Variants in NXNL2 observed in about 807,000 individuals in gnomAD.
NXNL2 encodes the protein nucleoredoxin-like protein 2.
NXNL2 carries 7 observed loss-of-function variants against 11.1 expected under a neutral mutation model. That is an observed-to-expected ratio of 0.63 (90% CI 0.36 to 1.18). NXNL2 has a LOEUF of 1.18. Ranked by LOEUF, NXNL2 falls within the 50% of genes most tolerant of loss-of-function variation. The probability of loss-of-function intolerance (pLI) is 0.02; values close to 1 mark genes in which losing one functional copy is unlikely to be tolerated. For synonymous variants in NXNL2, 109 were observed against 101.8 expected (o/e 1.07, Z -0.42); for missense variants, 233 against 217.7 (o/e 1.07, Z -0.44).
intron 1 of NXNL2, among the ~76,000 whole-genome samples, chr9:88,581,384 G>T (rs190213981): frequency 6.3e-4 from 96 of 152,294 alleles, no homozygotes; most frequent in Admixed American, 1.6e-3. Flanking sequence ...ACCACTTTTG[G>T]GGGGAGTTTG....
intron 1 of NXNL2, among the ~76,000 whole-genome samples, chr9:88,564,251 T>C (rs1055532373): frequency 1.5e-5 from 2 of 134,614 alleles, no homozygotes; most frequent in African/African-American, 6.1e-5. Flanking sequence ...TCTATCTATC[T>C]ATCTATCTAT....
At chr9:88,543,656 G>T (rs921215021) in intron 1 of NXNL2, among the ~76,000 whole-genome samples, 2 of 152,142 alleles carry the variant, frequency 1.3e-5, no homozygotes, top group Admixed American at 6.5e-5. Flanking sequence ...TTATTTGTGG[G>T]TTTAGACCTG....
downstream of NXNL2, among the ~76,000 whole-genome samples, chr9:88,579,323 C>T (rs1269764851): frequency 6.6e-6 from 1 of 152,184 alleles, no homozygotes; most frequent in Non-Finnish European, 1.5e-5. Flanking sequence ...GCTTCCTGAC[C>T]TCTTCTAGTT....
Position 88,535,491 on chromosome 9 carries a change from G to A in NXNL2, c.57G>A (p.Glu19=). Residue 19 remains glutamate (E), a synonymous_variant, in exon 1 of 2, where the codon GAG becomes GAA. Transcript: ENST00000375854. ...HLVTCKGATV[E]AEAALQNKVV... ...TGACCTGTAAGGGCGCGACGGTGGA[G>A]GCCGAGGCGGCGCTGCAGAACAAGG... 6.2e-7 allele frequency: 1 copy of A among 1,609,680 alleles called. No individual in the cohort carries two copies.
chr9:88,538,766 A>G (rs1829685774), intron 1 of NXNL2, among the ~76,000 whole-genome samples: 1 of 152,342 alleles, frequency 6.6e-6, no homozygotes, highest in Non-Finnish European at 1.5e-5. Context: ...CCACACAGTA[A>G]GAACAGCTAG....
rs1400834010 is a variant in NXNL2, at chr9:88,544,524, A to G, written c.448A>G (p.Ile150Val). Residue 150 changes from isoleucine to valine, a missense_variant, in exon 2 of 2, where the codon ATC becomes GTC. Transcript: ENST00000375854. ...CCAGGACTGGGTGGAGGCGGCCGAT[A>G]TCTTCCAGAATTTCTCCGTTTGAAG... Reference protein sequence around the residue: ...CFQDWVEAADIFQNFSV With the variant: ...CFQDWVEAADVFQNFSV 9 of 1,542,314 alleles carry G rather than the reference A, an allele frequency of 5.8e-6. No homozygotes were observed. Among genetic ancestry groups the G allele is most frequent in the Admixed American group, 4.0e-5 (2 of 50,386 alleles).
At chr9:88,540,562 C>T (rs1372866778) in intron 1 of NXNL2, among the ~76,000 whole-genome samples, 1 of 152,186 alleles carries the variant, frequency 6.6e-6, no homozygotes, top group East Asian at 1.9e-4. Context: ...GTGTTTGAGA[C>T]ATGACTTTCT....
chr9:88,577,532 G>A (rs1379882660), downstream of NXNL2, among the ~76,000 whole-genome samples: 4 of 152,044 alleles, frequency 2.6e-5, no homozygotes, highest in Non-Finnish European at 5.9e-5. Flanking sequence ...TCTAGGTGCT[G>A]TCAAATCTGG....
intron 1 of NXNL2, among the ~76,000 whole-genome samples, chr9:88,538,643 T>C (rs773810259): frequency 6.6e-6 from 1 of 152,190 alleles, no homozygotes; most frequent in Non-Finnish European, 1.5e-5. Flanking sequence ...CACGCCTCAT[T>C]GATTCTGATT....
intron 1 of NXNL2, among the ~76,000 whole-genome samples, chr9:88,559,498 T>C (rs1830059614): frequency 6.6e-6 from 1 of 152,140 alleles, no homozygotes; most frequent in Admixed American, 6.5e-5. Context: ...GCAAATCGAA[T>C]TGCAAAGGGC....
intron 1 of NXNL2, among the ~76,000 whole-genome samples, chr9:88,540,263 C>T (rs1186623279): frequency 6.6e-5 from 10 of 150,628 alleles, no homozygotes; most frequent in East Asian, 2.0e-4. Flanking sequence ...ACCTGGGAGG[C>T]GGAGGTTGCA....
At chr9:88,543,325 G>A (rs1829798039) in intron 1 of NXNL2, among the ~76,000 whole-genome samples, 1 of 151,662 alleles carries the variant, frequency 6.6e-6, no homozygotes, top group Non-Finnish European at 1.5e-5. Context: ...GGAATGTAGA[G>A]GCACTAACAC....
downstream of NXNL2, among the ~76,000 whole-genome samples, chr9:88,577,579 T>C (rs1014003117): frequency 6.6e-6 from 1 of 151,928 alleles, no homozygotes; most frequent in Non-Finnish European, 1.5e-5. Flanking sequence ...TTGTGGACAC[T>C]GTGTCCTCAC....
chr9:88,542,978 G>C (rs1739053322), intron 1 of NXNL2, among the ~76,000 whole-genome samples: 1 of 152,184 alleles, frequency 6.6e-6, no homozygotes, highest in South Asian at 2.1e-4. Flanking sequence ...TGGTGACCTG[G>C]CCATGGTAAA....
At chr9:88,558,288 T>C (rs1418297170) in intron 1 of NXNL2, among the ~76,000 whole-genome samples, 3 of 152,170 alleles carry the variant, frequency 2.0e-5, no homozygotes, top group African/African-American at 7.2e-5. Flanking sequence ...AGAGCAGAGT[T>C]TGGGGAGTTT....
intron 1 of NXNL2, among the ~76,000 whole-genome samples, chr9:88,542,435 C>T (rs1057099891): frequency 4.6e-5 from 7 of 151,652 alleles, no homozygotes; most frequent in African/African-American, 1.2e-4. Context: ...ACCACAAATG[C>T]GTGCCACCAT....
chr9:88,536,579 G>C (rs1829625246), intron 1 of NXNL2, among the ~76,000 whole-genome samples: 3 of 152,094 alleles, frequency 2.0e-5, no homozygotes, highest in Admixed American at 2.0e-4. Context: ...TGAATTTCTG[G>C]GTTTTGCTTT....
At chr9:88,582,253 C>T (rs1193292974) in intron 1 of NXNL2, among the ~76,000 whole-genome samples, 10 of 152,084 alleles carry the variant, frequency 6.6e-5, no homozygotes, top group Non-Finnish European at 1.5e-5. Flanking sequence ...CCGAGGTGGG[C>T]GGATCACGAG....
intron 2 of NXNL2, chr9:88,575,007 C>A (rs4263860): frequency 0.13 from 35,848 of 281,054 alleles, 6,582 homozygotes; most frequent in African/African-American, 0.53. Flanking sequence ...TTTGATTTTG[C>A]AACTGCATTT....
Sources: allele counts gnomAD v4.1 joint callset (sites outside exome capture counted in the v4.1 genomes callset), GRCh38; gene constraint gnomAD v4.1.1; transcripts MANE v1.5; gene names NCBI Gene and HGNC (gene_info 2026-07-23, HGNC 2026-07-21).